PCGF2: variants seen among roughly 807,000 people sequenced by gnomAD.
The protein encoded by PCGF2 is polycomb group RING finger protein 2.
In PCGF2, 8 loss-of-function variants were observed where a neutral mutation model predicts 36.1. The ratio of observed to expected loss-of-function variants is 0.22; its 90% CI spans 0.13 to 0.40. The LOEUF is 0.40. Among genes scored for constraint, PCGF2 ranks in the 10% least tolerant of loss-of-function variants. The pLI, the probability that PCGF2 is intolerant of heterozygous loss-of-function variation, is 1.00. For synonymous variants in PCGF2, 198 were observed against 191.2 expected (o/e 1.04, Z -0.29); for missense variants, 436 against 475.9 (o/e 0.92, Z 0.78).
intron 1 of PCGF2, 92 bp from the exon 2 acceptor site, chr17:38,748,063 G>A: frequency 6.5e-6 from 1 of 152,980 alleles, no homozygotes; most frequent in Non-Finnish European, 1.5e-5. Context: ...GGGGCGCGGG[G>A]GGTGCGAAGG....
At chr17:38,735,840 G>C (rs1264265715) in intron 10 of PCGF2, among the ~76,000 whole-genome samples, 2 of 152,172 alleles carry the variant, frequency 1.3e-5, no homozygotes, top group Non-Finnish European at 2.9e-5. Context: ...ACACACGGCA[G>C]CTGCCAGCAC....
intron 9 of PCGF2, among the ~76,000 whole-genome samples, chr17:38,737,026 G>A (rs1464890603): frequency 6.6e-6 from 1 of 152,098 alleles, no homozygotes; most frequent in Non-Finnish European, 1.5e-5. Context: ...AGCTACTCGG[G>A]AGGCTAAGGT....
chr17:38,735,443 G>C lies in PCGF2; in HGVS notation c.815C>G (p.Thr272Ser). The C allele has an allele frequency of 6.3e-7, 1 of 1,585,502 alleles. No homozygotes were observed. The highest frequency in any genetic ancestry group is 8.6e-7 in the Non-Finnish European group (1 of 1,165,616). ...GGCTGGGCTGGGCAGGGAGGAGGAG[G>C]TGGCTGGCAGGGTGGCAGGGCTGGG... ...KAPSPATLPA[T>S]SSSLPSPATP... The change falls in exon 11 of 11, where the codon ACC becomes AGC. Residue 272 changes from threonine to serine, a missense_variant. Physicochemically the swap from Thr to Ser is moderately conservative, Grantham distance 58. This residue lies in a region of PCGF2 where 227 missense variants were observed against 212.9 expected (regional missense o/e 1.07). Transcript: ENST00000620225.
At position 38,744,896 on chromosome 17, in the gene PCGF2, T is replaced by C. The variant is rs374878270; in HGVS notation, c.-41+2983A>G. Among the ~76,000 whole-genome samples the C allele has an allele frequency of 1.3e-4, 20 of 152,308 alleles. No individual in the cohort carries two copies. In the East Asian group the frequency reaches 3.1e-3, roughly 24 times the overall value. The stretch of plus-strand genomic sequence containing the variant: ...AAGGTCACATCCAGATGTCTAGAAC[T>C]GCAGAGGTGAAAGGGCTTTTAGAAA... On this transcript the variant is annotated intron_variant, in intron 2 of 10. Coordinates refer to ENST00000620225, the MANE Select transcript of PCGF2 (RefSeq NM_007144.3).
chr17:38,746,917 G>A (rs535457364), intron 2 of PCGF2, among the ~76,000 whole-genome samples: 4 of 152,336 alleles, frequency 2.6e-5, no homozygotes, highest in African/African-American at 7.2e-5. Flanking sequence ...GTGAAGGGGG[G>A]AGGGAGGAGA....
At position 38,735,110 on chromosome 17, in the gene PCGF2, C is replaced by T; in HGVS notation, c.*113G>A. ...ATATATTTATTTATAAAACCCGCCC[C>T]CCACCCCCAAGGTGGGAAGAGCTGG... On this transcript the variant is annotated 3_prime_UTR_variant, in exon 11 of 11. Coordinates refer to ENST00000620225, the MANE Select transcript of PCGF2 (RefSeq NM_007144.3). 1.3e-6 allele frequency: 1 copy of T among 796,776 alleles called. No homozygotes were observed. Among genetic ancestry groups the T allele is most frequent in the Non-Finnish European group, 1.8e-6 (1 of 566,390 alleles). The allele number at this position is 796,776 out of a possible 1,614,324, so 49.4% of individuals were successfully genotyped here. A position where few individuals can be genotyped will look rare whatever the true frequency, so the allele number is the denominator to read the frequency against.
rs1449581874 is a variant in PCGF2, at chr17:38,735,301, G to A, written c.957C>T (p.Asn319=). 1 of 1,519,080 alleles carries A rather than the reference G, an allele frequency of 6.6e-7. No homozygotes were observed. Among genetic ancestry groups the A allele is most frequent in the South Asian group, 1.3e-5 (1 of 77,182 alleles). The allele number at this position is 1,519,080 out of a possible 1,614,324, so 94.1% of individuals were successfully genotyped here. A position where few individuals can be genotyped will look rare whatever the true frequency, so the allele number is the denominator to read the frequency against. The change falls in exon 11 of 11, where the codon AAC becomes AAT. Residue 319 remains asparagine (N), a synonymous_variant. Transcript: ENST00000620225. ...TGGTGGAGGATGGTGTCTGCAGGCA[G>A]TTCAAGCTACCCCCGTTGGCAGCTG... ...ATTAANGGSL[N]CLQTPSSTSR... is the part of the protein sequence containing the mutation.
At chr17:38,748,809 A>G (rs1404585449), upstream of PCGF2, among the ~76,000 whole-genome samples, 1 of 152,142 alleles carries the variant, frequency 6.6e-6, no homozygotes, top group Non-Finnish European at 1.5e-5. Context: ...CGACGCCTTC[A>G]GCCAGGCGTC....
chr17:38,737,006 C>CCTGT (rs1325756896), intron 9 of PCGF2, among the ~76,000 whole-genome samples: 3 of 151,772 alleles, frequency 2.0e-5, no homozygotes, highest in African/African-American at 7.3e-5. Flanking sequence ...GTGCCACATG[C>CCTGT]CTGTATCCCA....
At position 38,736,138 on chromosome 17, in the gene PCGF2, C is replaced by T. The variant is rs1277893531; in HGVS notation, c.609G>A (p.Lys203=). 1 of 1,587,602 alleles carries T rather than the reference C, an allele frequency of 6.3e-7. No homozygotes were observed. Among genetic ancestry groups the T allele is most frequent in the Non-Finnish European group, 8.6e-7 (1 of 1,166,594 alleles). ...CGATGTCCATGAGGGTGTAGTATTC[C>T]TTCAGTGGCTCGTCCTCGTACAGAA... is the stretch of plus-strand genomic sequence containing the variant. The part of the protein sequence containing the change: ...VEVLYEDEPL[K]EYYTLMDIAY... Residue 203 remains lysine, a synonymous_variant, in exon 10 of 11, where the codon AAG becomes AAA. Transcript: ENST00000620225.
intron 10 of PCGF2, 136 bp from the exon 11 acceptor site, chr17:38,735,736 A>G (rs1460599468): frequency 8.3e-7 from 1 of 1,204,396 alleles, no homozygotes; most frequent in Non-Finnish European, 1.1e-6. Flanking sequence ...TGGAGAGGAG[A>G]GAGACAAGGA....
chr17:38,740,826 C>G (rs1435111084), intron 2 of PCGF2, among the ~76,000 whole-genome samples: 1 of 152,112 alleles, frequency 6.6e-6, no homozygotes, highest in East Asian at 1.9e-4. Flanking sequence ...CACACCTCCC[C>G]CCACCAGCAC....
chr17:38,745,722 G>C (rs78621716), intron 2 of PCGF2, among the ~76,000 whole-genome samples: 334 of 152,330 alleles, frequency 2.2e-3, no homozygotes, highest in African/African-American at 7.6e-3. Context: ...CATCCCAGCA[G>C]GTGGGAGGGG....
chr17:38,742,563 C>A (rs913372201), intron 2 of PCGF2, among the ~76,000 whole-genome samples: 14 of 152,150 alleles, frequency 9.2e-5, no homozygotes, highest in African/African-American at 3.4e-4. Context: ...GGTGGCGGCC[C>A]CGGGGATCTG....
chr17:38,743,183 C>T lies in PCGF2; in HGVS notation c.-40-2741G>A, dbSNP rs927106569. On this transcript the variant is annotated intron_variant, in intron 2 of 10. Coordinates refer to ENST00000620225, the MANE Select transcript of PCGF2 (RefSeq NM_007144.3). Reference sequence around the variant, plus strand: ...TCGGCTCACTGCAGCCTCCGCCTACCGGGTTCAAGTGATTCTTGTGCCTCA... The same window carrying T: ...TCGGCTCACTGCAGCCTCCGCCTACTGGGTTCAAGTGATTCTTGTGCCTCA... Among the ~76,000 whole-genome samples, 5 of 151,562 alleles carry T rather than the reference C, an allele frequency of 3.3e-5. No individual in the cohort carries two copies. In the East Asian group the frequency reaches 9.7e-4, roughly 29 times the overall value.
rs748683854 is a variant in PCGF2 at position 38,738,569 on chromosome 17, A to G, written c.452T>C (p.Leu151Pro). 1.3e-6 allele frequency: 2 copies of G among 1,587,692 alleles called. No individual in the cohort carries two copies. Among genetic ancestry groups the G allele is most frequent in the South Asian group, 1.1e-5 (1 of 86,976 alleles). Reference protein sequence around the residue: ...ARDRDEKKGPLENGDGDKEKT... With the variant: ...ARDRDEKKGPPENGDGDKEKT... ...CTCTTTGTCCCCATCCCCATTCTCC[A>G]GGGGGCCCTTCTTCTCGTCCCGGTC... Residue 151 changes from leucine (L) to proline (P), a missense_variant, in exon 8 of 11, where the codon CTG (leucine) becomes CCG (proline). Physicochemically the swap from Leu to Pro is moderately conservative, Grantham distance 98 (BLOSUM62 -3). Around this residue, in one of 3 missense-constraint regions of PCGF2, gnomAD observed 189 missense variants for 219.3 expected, o/e 0.86. Coordinates refer to ENST00000620225, the MANE Select transcript of PCGF2 (RefSeq NM_007144.3).
intron 3 of PCGF2, 113 bp downstream of exon 3, chr17:38,740,178 G>T: frequency 1.1e-6 from 1 of 881,798 alleles, no homozygotes; most frequent in Non-Finnish European, 1.8e-6. Flanking sequence ...AGACACGTGG[G>T]CGCGTTGGCT....
rs760079760 is a variant in PCGF2 at position 38,734,883 on chromosome 17, T to TG, written c.*339dup. On this transcript the variant is annotated 3_prime_UTR_variant, in exon 11 of 11. Transcript: ENST00000620225. The stretch of plus-strand genomic sequence containing the variant: ...CAGCGAGGATGGTGCAGAGCTTTAT[T>TG]GAGACTCCAGTGGCCCATCCAGTTC... The TG allele has an allele frequency of 6.2e-5, 12 of 192,324 alleles. No individual in the cohort carries two copies. Among genetic ancestry groups the TG allele is most frequent in the Non-Finnish European group, 1.2e-4 (11 of 95,338 alleles). The allele number at this position is 192,324 out of a possible 1,614,324, so 11.9% of individuals were successfully genotyped here. A position where few individuals can be genotyped will look rare whatever the true frequency, so the allele number is the denominator to read the frequency against.
At chr17:38,746,548 C>T (rs542013362) in intron 2 of PCGF2, 93 of 152,572 alleles carry the variant, frequency 6.1e-4, no homozygotes, top group Non-Finnish European at 1.0e-3. Flanking sequence ...TTCCAAAGTC[C>T]GCTCTGGGGA....
Sources: gnomAD v4.1 joint callset for allele counts (sites outside exome capture counted in the v4.1 genomes callset) on GRCh38, gnomAD v4.1.1 for gene constraint, gnomAD v4.1.1 regional missense constraint, MANE v1.5 for transcripts, NCBI Gene and HGNC (gene_info 2026-07-23, HGNC 2026-07-21) for gene names.